Variants in COL21A1 observed in about 807,000 individuals in gnomAD.
COL21A1 encodes collagen alpha-1(XXI) chain.
COL21A1 carries 149 observed loss-of-function variants against 137.9 expected under a neutral mutation model. The observed-to-expected ratio is 1.08, with a 90% CI of 0.95 to 1.24. COL21A1 has a LOEUF of 1.24. COL21A1 is among the 50% of genes most tolerant of loss of function. The pLI, the probability that COL21A1 is intolerant of heterozygous loss-of-function variation, is 0.00. For missense variants in COL21A1, 1,167 were observed against 1,158.4 expected (o/e 1.01, Z -0.11); for synonymous variants, 456 against 391.5 (o/e 1.16, Z -1.95).
intron 1 of COL21A1, among the ~76,000 whole-genome samples, chr6:56,363,199 T>C (rs1455510191): frequency 6.6e-6 from 1 of 152,216 alleles, no homozygotes; most frequent in Non-Finnish European, 1.5e-5. Flanking sequence ...GCTCACTTCC[T>C]AGCCTTCTGG....
intron 3 of COL21A1, among the ~76,000 whole-genome samples, chr6:56,178,729 C>T (rs1434553445): frequency 1.3e-5 from 2 of 151,980 alleles, no homozygotes; most frequent in East Asian, 1.9e-4. Flanking sequence ...TTTACCAAAA[C>T]TGGGACCTTC....
chr6:56,123,341 A>G (rs934229473), intron 16 of COL21A1, among the ~76,000 whole-genome samples: 15 of 152,218 alleles, frequency 9.9e-5, no homozygotes, highest in African/African-American at 2.9e-4. Context: ...AATCATGGAT[A>G]TTTGAAAAAC....
At chr6:56,104,111 C>T (rs1770677558) in intron 16 of COL21A1, among the ~76,000 whole-genome samples, 2 of 152,120 alleles carry the variant, frequency 1.3e-5, no homozygotes, top group South Asian at 4.1e-4. Context: ...GCTTGACTTG[C>T]ACATTCTTTT....
At chr6:56,183,012 A>C (rs982157554) in intron 1 of COL21A1, among the ~76,000 whole-genome samples, 2 of 152,180 alleles carry the variant, frequency 1.3e-5, no homozygotes, top group African/African-American at 4.8e-5. Context: ...TTTTTCTTTT[A>C]AACGTGGGTT....
chr6:56,097,990 T>A (rs1385244652), intron 17 of COL21A1, among the ~76,000 whole-genome samples: 1 of 28,450 alleles, frequency 3.5e-5, no homozygotes, highest in Non-Finnish European at 5.6e-5. Flanking sequence ...TATAAATATA[T>A]ATGTAAATAT....
In COL21A1 at chr6:56,178,528, G is replaced by A. The variant is rs181819018; in HGVS notation, c.640+1050C>T. Among the ~76,000 whole-genome samples, 1,003 of 152,050 alleles carry A rather than the reference G, an allele frequency of 6.6e-3. 6 individuals carry two copies. Among genetic ancestry groups the A allele is most frequent in the Admixed American group, 6.0e-3 (92 of 15,288 alleles). On this transcript the variant is annotated intron_variant, in intron 3 of 29. Transcript: ENST00000244728. ...TTGTTTCCTAACTCATAAACACACA[G>A]GATTTTTTTGTCAAATGTGAAGCCA...
At chr6:56,343,578 G>A (rs1409718537) in intron 1 of COL21A1, among the ~76,000 whole-genome samples, 1 of 152,160 alleles carries the variant, frequency 6.6e-6, no homozygotes, top group Non-Finnish European at 1.5e-5. Flanking sequence ...CTGGGATAGA[G>A]CTAGAAGTTA....
intron 1 of COL21A1, among the ~76,000 whole-genome samples, chr6:56,207,026 A>T (rs1369898072): frequency 6.6e-6 from 1 of 152,138 alleles, no homozygotes; most frequent in Non-Finnish European, 1.5e-5. Context: ...AATCTCTGGG[A>T]CACATTTAAA....
At chr6:56,363,210 G>A (rs1462423734) in intron 1 of COL21A1, among the ~76,000 whole-genome samples, 3 of 152,166 alleles carry the variant, frequency 2.0e-5, no homozygotes, top group African/African-American at 7.2e-5. Context: ...AGCCTTCTGG[G>A]AACCAGGCTT....
chr6:56,219,081 A>G (rs557088375), intron 1 of COL21A1, among the ~76,000 whole-genome samples: 1 of 152,074 alleles, frequency 6.6e-6, no homozygotes, highest in South Asian at 2.1e-4. Flanking sequence ...TCTATGCAAC[A>G]ACAATGAACC....
chr6:56,062,253 G>A (rs76460158), intron 24 of COL21A1, among the ~76,000 whole-genome samples: 1 of 151,994 alleles, frequency 6.6e-6, no homozygotes, highest in African/African-American at 2.4e-5. Context: ...TCTAAAAGAT[G>A]GTATTTTTTC....
chr6:56,348,623 G>A (rs1459596341), intron 1 of COL21A1, among the ~76,000 whole-genome samples: 1 of 152,136 alleles, frequency 6.6e-6, no homozygotes, highest in African/African-American at 2.4e-5. Context: ...CAACTTGCTG[G>A]GAGACCAGAA....
upstream of COL21A1, among the ~76,000 whole-genome samples, chr6:56,252,256 C>T (rs1251420639): frequency 5.3e-5 from 8 of 152,326 alleles, no homozygotes; most frequent in Non-Finnish European, 1.0e-4. Context: ...CAAGCTTTTC[C>T]CTTATTGCAT....
intron 1 of COL21A1, among the ~76,000 whole-genome samples, chr6:56,231,345 C>T (rs899513102): frequency 4.6e-5 from 7 of 151,840 alleles, no homozygotes; most frequent in African/African-American, 9.7e-5. Flanking sequence ...ATATTCAGTT[C>T]GGTAACAGCA....
intron 1 of COL21A1, among the ~76,000 whole-genome samples, chr6:56,286,778 A>G (rs4302663): frequency 0.68 from 104,053 of 152,054 alleles, 36,630 homozygotes; most frequent in African/African-American, 0.76. Context: ...GATAATCCTC[A>G]ACCATATACA....
chr6:56,345,603 G>A lies in COL21A1; in HGVS notation c.-39+48368C>T, dbSNP rs376722232. Among the ~76,000 whole-genome samples, 19 of 152,266 alleles carry A rather than the reference G, an allele frequency of 1.2e-4. No individual in the cohort carries two copies. In the Middle Eastern group the frequency reaches 0.01, roughly 82 times the overall value. On this transcript the variant is annotated intron_variant, in intron 1 of 28. Coordinates refer to the COL21A1 transcript ENST00000370819. ...AGCAGCTTTCCCAAGGACTCAGAAC[G>A]TACACACGCCTGATCGCTACATCTT...
At chr6:56,120,177 A>G (rs1772341568) in intron 16 of COL21A1, among the ~76,000 whole-genome samples, 1 of 152,236 alleles carries the variant, frequency 6.6e-6, no homozygotes, top group Non-Finnish European at 1.5e-5. Flanking sequence ...ACCAGAAAAT[A>G]CAAAAATTTC....
chr6:56,137,429 T>G (rs944512345), intron 12 of COL21A1, among the ~76,000 whole-genome samples: 1 of 152,148 alleles, frequency 6.6e-6, no homozygotes, highest in Non-Finnish European at 1.5e-5. Context: ...ACACAAATCC[T>G]AAGTCTTACA....
chr6:56,271,739 C>T (rs1763531051), intron 1 of COL21A1, among the ~76,000 whole-genome samples: 2 of 152,342 alleles, frequency 1.3e-5, no homozygotes, highest in Admixed American at 1.3e-4. Context: ...GGCACCACTC[C>T]TCTGTGCAGC....
Sources: allele counts gnomAD v4.1 joint callset (sites outside exome capture counted in the v4.1 genomes callset), GRCh38; gene constraint gnomAD v4.1.1; transcripts MANE v1.5; gene names NCBI Gene and HGNC (gene_info 2026-07-23, HGNC 2026-07-21).